BAZ2B: variants seen among roughly 807,000 people sequenced by gnomAD.
BAZ2B encodes bromodomain adjacent to zinc finger domain protein 2B.
A neutral mutation model predicts 246.0 loss-of-function variants in BAZ2B; 91 were observed. The observed-to-expected ratio is 0.37, with a 90% CI of 0.31 to 0.44. The LOEUF is 0.44. Ranked by LOEUF, BAZ2B falls within the 20% of genes least tolerant of loss-of-function variation. The probability of loss-of-function intolerance (pLI) is 1.00; values close to 1 mark genes in which losing one functional copy is unlikely to be tolerated. For synonymous variants in BAZ2B, 855 were observed against 860.0 expected, an observed-to-expected ratio of 0.99 and a Z score of 0.10; for missense variants, 2,332 against 2,533.7, an observed-to-expected ratio of 0.92 and a Z score of 1.71.
At chr2:159,328,070 GAAA>G (rs1306873341) in intron 34 of BAZ2B, among the ~76,000 whole-genome samples, 1 of 49,528 alleles carries the variant, frequency 2.0e-5, no homozygotes, top group Non-Finnish European at 4.4e-5. Flanking sequence ...GCCTCAAAAC[GAAA>G]AAAAAAAAAA....
intron 27 of BAZ2B, among the ~76,000 whole-genome samples, chr2:159,357,802 G>A (rs918054917): frequency 2.6e-5 from 4 of 152,134 alleles, no homozygotes; most frequent in Non-Finnish European, 4.4e-5. Context: ...GAGAGTTGGG[G>A]CCAATATTCA....
intron 1 of BAZ2B, among the ~76,000 whole-genome samples, chr2:159,589,496 C>T (rs1011655927): frequency 1.7e-4 from 26 of 151,708 alleles, no homozygotes; most frequent in Non-Finnish European, 5.9e-5. Flanking sequence ...TGATCTCAGC[C>T]AAAAAAATAA....
At chr2:159,316,487 C>G (rs377383837), downstream of BAZ2B, among the ~76,000 whole-genome samples, 1 of 151,424 alleles carries the variant, frequency 6.6e-6, no homozygotes, top group Non-Finnish European at 1.5e-5. Flanking sequence ...GTCAGGAGAT[C>G]GAGACCATCC....
intron 2 of BAZ2B, among the ~76,000 whole-genome samples, chr2:159,494,880 C>A (rs1276323776): frequency 1.4e-5 from 1 of 73,314 alleles, no homozygotes; most frequent in Non-Finnish European, 3.5e-5. Context: ...TACACTACCT[C>A]AAGGGTTTAT....
intron 28 of BAZ2B, 31 bp from the exon 29 acceptor site, chr2:159,349,311 G>A: frequency 6.5e-7 from 1 of 1,550,078 alleles, no homozygotes; most frequent in South Asian, 1.2e-5. Context: ...TTAATGAAAA[G>A]TAGATTACTC....
the BAZ2B span, among the ~76,000 whole-genome samples, chr2:159,662,162 T>A: frequency 6.6e-6 from 1 of 152,254 alleles, no homozygotes; most frequent in African/African-American, 2.4e-5. Context: ...CACTGTAGCA[T>A]GCACCACTAT....
intron 4 of BAZ2B, among the ~76,000 whole-genome samples, chr2:159,450,547 G>C (rs1158600522): frequency 1.3e-5 from 2 of 152,094 alleles, no homozygotes; most frequent in East Asian, 3.8e-4. Flanking sequence ...ACAAATGTCT[G>C]ATACTATTTC....
At chr2:159,677,332 G>C in the BAZ2B span, among the ~76,000 whole-genome samples, 1 of 151,782 alleles carries the variant, frequency 6.6e-6, no homozygotes, top group African/African-American at 2.4e-5. Context: ...ACAACACAAT[G>C]ATATTTTGTT....
In BAZ2B at chr2:159,324,901, G is replaced by A; in HGVS notation, c.6263C>T (p.Pro2088Leu). 6.4e-7 allele frequency: 1 copy of A among 1,559,732 alleles called. No homozygotes were observed. The highest frequency in any genetic ancestry group is 8.6e-7 in the Non-Finnish European group (1 of 1,160,808). ...ACCAGGAACAAGTTTCAAGTTTACAGGAAGTAGAAAAGGCCATGCATCCTC... is the reference window on the plus strand; with the variant it reads ...ACCAGGAACAAGTTTCAAGTTTACAAGAAGTAGAAAAGGCCATGCATCCTC... ...THEDAWPFLL[P>L]VNLKLVPGYK... Residue 2088 changes from proline (P) to leucine (L), a missense_variant, in exon 36 of 37, where the codon CCT becomes CTT. Coordinates refer to ENST00000392783, the MANE Select transcript of BAZ2B (RefSeq NM_013450.4).
intron 13 of BAZ2B, among the ~76,000 whole-genome samples, chr2:159,419,348 TA>T (rs3836178): frequency 3.9e-5 from 6 of 152,232 alleles, no homozygotes; most frequent in Admixed American, 1.3e-4. Flanking sequence ...ACAATTCACA[TA>T]AAAAAATTAA....
chr2:159,336,285 T>C (rs533055528), intron 33 of BAZ2B, among the ~76,000 whole-genome samples: 14 of 152,230 alleles, frequency 9.2e-5, no homozygotes, highest in Non-Finnish European at 2.1e-4. Flanking sequence ...AATATTTCTC[T>C]GGAAAACATG....
At chr2:159,443,163 A>C (rs1283167550) in intron 6 of BAZ2B, among the ~76,000 whole-genome samples, 1 of 152,216 alleles carries the variant, frequency 6.6e-6, no homozygotes, top group African/African-American at 2.4e-5. Context: ...TGATACTTTC[A>C]AACCATAAAA....
chr2:159,660,191 T>C, the BAZ2B span, among the ~76,000 whole-genome samples: 21 of 152,232 alleles, frequency 1.4e-4, no homozygotes, highest in Non-Finnish European at 2.5e-4. Flanking sequence ...GTATCATATA[T>C]ATCACAAATA....
chr2:159,548,134 G>T (rs1006258607), intron 2 of BAZ2B, among the ~76,000 whole-genome samples: 16 of 152,248 alleles, frequency 1.1e-4, no homozygotes, highest in African/African-American at 3.8e-4. Flanking sequence ...TAATTTTGAA[G>T]ATACTGTTCA....
At chr2:159,321,488 A>AGGTTTGGAAGC (rs1338440016) in intron 36 of BAZ2B, among the ~76,000 whole-genome samples, 1 of 152,216 alleles carries the variant, frequency 6.6e-6, no homozygotes, top group Admixed American at 6.5e-5. Context: ...ACAATAGCCA[A>AGGTTTGGAAGC]GGTTTGGAAG....
At chr2:159,417,229 G>A (rs2067894152) in intron 13 of BAZ2B, among the ~76,000 whole-genome samples, 2 of 147,504 alleles carry the variant, frequency 1.4e-5, no homozygotes. Context: ...GTAGTGTAGT[G>A]GTGCAATCTC....
At chr2:159,653,229 C>A in the BAZ2B span, among the ~76,000 whole-genome samples, 1 of 152,148 alleles carries the variant, frequency 6.6e-6, no homozygotes, top group African/African-American at 2.4e-5. Context: ...CGTGAGCCAC[C>A]ACACCTGGCA....
chr2:159,382,322 A>C lies in BAZ2B; in HGVS notation c.4005+237T>G, dbSNP rs184222287. On this transcript the variant is annotated intron_variant, in intron 25 of 36. Coordinates refer to ENST00000392783, the MANE Select transcript of BAZ2B (RefSeq NM_013450.4). ...ATTCTCAAGAAATTATATTAAAAAAACTTCTTTTATTCAGTCTTAGTGTCT... is the reference window on the plus strand; with the variant it reads ...ATTCTCAAGAAATTATATTAAAAAACCTTCTTTTATTCAGTCTTAGTGTCT... 1.1e-4 allele frequency among the ~76,000 whole-genome samples: 17 copies of C among 152,340 alleles called. 1 individual carries two copies. The East Asian group carries it at 2.9e-3, about 26-fold the overall frequency.
chr2:159,676,192 C>G, the BAZ2B span, among the ~76,000 whole-genome samples: 1 of 82,550 alleles, frequency 1.2e-5, no homozygotes, highest in Non-Finnish European at 2.7e-5. Context: ...CACGCCTGGC[C>G]TAGGCTAATT....
Sources: allele counts gnomAD v4.1 joint callset (sites outside exome capture counted in the v4.1 genomes callset), GRCh38; gene constraint gnomAD v4.1.1; transcripts MANE v1.5; gene names NCBI Gene and HGNC (gene_info 2026-07-23, HGNC 2026-07-21).